CNTN5: variants seen among roughly 807,000 people sequenced by gnomAD.
CNTN5 encodes the protein contactin 5, also known as contactin-5.
CNTN5 carries 77 observed loss-of-function variants against 129.1 expected under a neutral mutation model. The observed-to-expected ratio is 0.60, with a 90% CI of 0.50 to 0.72. The LOEUF is 0.72. Among genes scored for constraint, CNTN5 ranks in the 30% least tolerant of loss-of-function variants. CNTN5 has a pLI of 0.00. For missense variants in CNTN5, 1,478 were observed against 1,328.8 expected (o/e 1.11, Z -1.75); for synonymous variants, 509 against 465.6 (o/e 1.09, Z -1.20).
At chr11:99,058,915 T>G (rs1864748810) in intron 1 of CNTN5, among the ~76,000 whole-genome samples, 1 of 149,238 alleles carries the variant, frequency 6.7e-6, no homozygotes, top group African/African-American at 2.4e-5. Flanking sequence ...GGTGGGCAGT[T>G]ATATATATTA....
At chr11:99,783,098 A>C (rs1157106363) in intron 3 of CNTN5, among the ~76,000 whole-genome samples, 4 of 119,002 alleles carry the variant, frequency 3.4e-5, no homozygotes, top group African/African-American at 6.3e-5. Context: ...AATATCTAGA[A>C]TCTACAATGA....
At chr11:99,886,575 T>G (rs1373048) in intron 6 of CNTN5, among the ~76,000 whole-genome samples, 149,178 of 152,218 alleles carry the variant, frequency 0.98, 73,161 homozygotes, top group East Asian at 1. Context: ...AACAGTTGCT[T>G]GTAAAAACAT....
At chr11:100,185,489 G>C (rs114774818) in intron 13 of CNTN5, among the ~76,000 whole-genome samples, 4 of 152,008 alleles carry the variant, frequency 2.6e-5, no homozygotes, top group Non-Finnish European at 5.9e-5. Flanking sequence ...GCGAGGTCTC[G>C]GTATTTATTT....
intron 2 of CNTN5, among the ~76,000 whole-genome samples, chr11:99,347,691 G>T (rs1420814737): frequency 6.6e-6 from 1 of 151,528 alleles, no homozygotes; most frequent in Non-Finnish European, 1.5e-5. Flanking sequence ...TGCGTTATTT[G>T]CATTTTTTTG....
intron 8 of CNTN5, among the ~76,000 whole-genome samples, chr11:99,970,248 A>G (rs930821430): frequency 5.9e-5 from 9 of 152,190 alleles, no homozygotes; most frequent in Non-Finnish European, 2.9e-5. Context: ...TTCCTATCCA[A>G]AACACACTGT....
intron 23 of CNTN5, among the ~76,000 whole-genome samples, chr11:100,347,025 C>T (rs1952295725): frequency 6.6e-6 from 1 of 152,058 alleles, no homozygotes; most frequent in Admixed American, 6.6e-5. Flanking sequence ...AAGACCTGTC[C>T]CCATGATTCA....
intron 21 of CNTN5, among the ~76,000 whole-genome samples, chr11:100,315,154 GCAGAAC>G (rs1951552022): frequency 6.6e-6 from 1 of 152,098 alleles, no homozygotes; most frequent in Non-Finnish European, 1.5e-5. Context: ...ATGCAGTCCT[GCAGAAC>G]AGCAGTAAGG....
intron 8 of CNTN5, among the ~76,000 whole-genome samples, chr11:99,961,910 A>G (rs1421441372): frequency 1.3e-5 from 2 of 152,166 alleles, no homozygotes; most frequent in Non-Finnish European, 2.9e-5. Context: ...AATTCTTCAG[A>G]CACAGCATCA....
At chr11:99,449,200 A>C (rs1944199442) in intron 2 of CNTN5, among the ~76,000 whole-genome samples, 1 of 152,186 alleles carries the variant, frequency 6.6e-6, no homozygotes, top group Non-Finnish European at 1.5e-5. Flanking sequence ...TTGTTCAATA[A>C]ACTTTTTAAC....
chr11:99,978,261 G>C (rs1424355705), intron 8 of CNTN5, among the ~76,000 whole-genome samples: 1 of 152,156 alleles, frequency 6.6e-6, no homozygotes, highest in African/African-American at 2.4e-5. Flanking sequence ...CATAATGAAA[G>C]AGTCAAAAAG....
chr11:99,896,493 A>G (rs1949210583), intron 6 of CNTN5, among the ~76,000 whole-genome samples: 1 of 151,984 alleles, frequency 6.6e-6, no homozygotes, highest in African/African-American at 2.4e-5. Flanking sequence ...CACGTGATGT[A>G]CCCCACAACT....
At chr11:99,351,921 T>A (rs1247016502) in intron 2 of CNTN5, among the ~76,000 whole-genome samples, 1 of 152,198 alleles carries the variant, frequency 6.6e-6, no homozygotes, top group Admixed American at 6.5e-5. Context: ...GATTAGAACG[T>A]ACCAAAGGGT....
intron 9 of CNTN5, among the ~76,000 whole-genome samples, chr11:100,010,764 T>G (rs1011607139): frequency 6.6e-6 from 1 of 152,162 alleles, no homozygotes; most frequent in Admixed American, 6.6e-5. Flanking sequence ...TTACTATACC[T>G]CAGCCATCCT....
At chr11:100,192,586 T>G (rs1948525258) in intron 14 of CNTN5, among the ~76,000 whole-genome samples, 1 of 152,002 alleles carries the variant, frequency 6.6e-6, no homozygotes, top group Non-Finnish European at 1.5e-5. Context: ...GTTAATTGTC[T>G]TGAGGTATCT....
Position 100,240,232 on chromosome 11 carries a change from C to T in CNTN5, c.2005+15420C>T, listed in dbSNP as rs559039244. Among the ~76,000 whole-genome samples, 34 of 150,640 alleles carry T rather than the reference C, an allele frequency of 2.3e-4. No individual in the cohort carries two copies. The East Asian group carries it at 6.0e-3, about 27-fold the overall frequency. ...CAAATTATCAACACCCCGCCCCACA[C>T]CCCCCGACCCCCGCCAGGGACTGCT... On this transcript the variant is annotated intron_variant, in intron 16 of 24. Coordinates refer to ENST00000524871, the MANE Select transcript of CNTN5 (RefSeq NM_014361.4).
In CNTN5 at chr11:99,808,827, A is replaced by G. The variant is rs182636992; in HGVS notation, c.56-10717A>G. Among the ~76,000 whole-genome samples the G allele has an allele frequency of 3.4e-3, 514 of 152,256 alleles. 2 individuals are homozygous for G. The highest frequency in any genetic ancestry group is 6.1e-3 in the Non-Finnish European group (416 of 68,022). On this transcript the variant is annotated intron_variant, in intron 3 of 24. Coordinates refer to ENST00000524871, the MANE Select transcript of CNTN5 (RefSeq NM_014361.4). ...TCCAACATGAGTTAGCTTGAACAGT[A>G]ATCCTATTATGCACCTATTCCTCTC...
chr11:99,318,085 T>G (rs994622106), intron 1 of CNTN5, among the ~76,000 whole-genome samples: 1 of 152,192 alleles, frequency 6.6e-6, no homozygotes, highest in African/African-American at 2.4e-5. Context: ...ATGAAAAGAT[T>G]TTTAAACAGC....
intron 1 of CNTN5, among the ~76,000 whole-genome samples, chr11:99,124,235 A>C (rs948975637): frequency 6.6e-6 from 1 of 151,690 alleles, no homozygotes; most frequent in Non-Finnish European, 1.5e-5. Flanking sequence ...CATTGTGGAG[A>C]GCTTTCCTTT....
chr11:99,971,517 T>C (rs1443591789), intron 8 of CNTN5, among the ~76,000 whole-genome samples: 1 of 151,672 alleles, frequency 6.6e-6, no homozygotes, highest in Non-Finnish European at 1.5e-5. Context: ...CACTCCAGCC[T>C]GGTGACAGAG....
Sources: gnomAD v4.1 joint callset for allele counts (sites outside exome capture counted in the v4.1 genomes callset) on GRCh38, gnomAD v4.1.1 for gene constraint, MANE v1.5 for transcripts, NCBI Gene and HGNC (gene_info 2026-07-23, HGNC 2026-07-21) for gene names.